Variants in TNFAIP2 observed in about 807,000 individuals in gnomAD.
TNFAIP2 encodes tumor necrosis factor alpha-induced protein 2.
Under a neutral mutation model 63.5 loss-of-function variants are expected in TNFAIP2, and 47 were observed. The ratio of observed to expected loss-of-function variants is 0.74; its 90% CI spans 0.59 to 0.94. The LOEUF is 0.94. Among genes scored for constraint, TNFAIP2 ranks in the 40% least tolerant of loss-of-function variants. The pLI is 0.00. For synonymous variants in TNFAIP2, 405 were observed against 390.2 expected, an observed-to-expected ratio of 1.04 and a Z score of -0.45; for missense variants, 787 against 850.2, an observed-to-expected ratio of 0.93 and a Z score of 0.92.
In TNFAIP2 at chr14:103,131,326, C is replaced by T. The variant is rs945540554; in HGVS notation, c.1298+176C>T. 6.6e-6 allele frequency among the ~76,000 whole-genome samples: 1 copy of T among 152,206 alleles called. No homozygotes were observed. ...GCAGCAAACATTTCCCAAGTGCTGG[C>T]TGGGGCAAGCACACAGGCAGATGTT... On this transcript the variant is annotated intron_variant, in intron 7 of 11. Coordinates refer to ENST00000560869, the MANE Select transcript of TNFAIP2 (RefSeq NM_006291.4). The surrounding 1 kb of genome is among the most constrained non-coding windows in gnomAD (Gnocchi z 4.0).
intron 5 of TNFAIP2, 48 bp from the exon 6 acceptor site, chr14:103,130,267 C>G: frequency 1.3e-6 from 2 of 1,536,568 alleles, no homozygotes; most frequent in Non-Finnish European, 1.8e-6. Context: ...TCCCCTGCCC[C>G]CTTGTCCAGG....
At chr14:103,121,656 A>G (rs950811138), upstream of TNFAIP2, among the ~76,000 whole-genome samples, 12 of 152,190 alleles carry the variant, frequency 7.9e-5, no homozygotes, top group African/African-American at 2.7e-4. Context: ...ACTGGTGCAG[A>G]CACAAGTCCA....
Position 103,126,986 on chromosome 14 carries a change from C to T in TNFAIP2, c.236-19C>T. 5.7e-6 allele frequency: 7 copies of T among 1,227,786 alleles called. No homozygotes were observed. Among genetic ancestry groups the T allele is most frequent in the Non-Finnish European group, 6.1e-6 (6 of 982,640 alleles). 76.1% of individuals were successfully genotyped at this position (1,227,786 alleles called of 1,614,324 possible). ...GGCGGTGGGCTGGGGCCGGGGCTGA[C>T]GCGGCTTTCCCGGCGCAGTGGAGGA... is the stretch of plus-strand genomic sequence containing the variant. On this transcript the variant is annotated intron_variant, in intron 2 of 11. Transcript: ENST00000560869.
intron 9 of TNFAIP2, 151 bp downstream of exon 9, chr14:103,133,023 T>C (rs2234141): frequency 3.0e-6 from 4 of 1,324,914 alleles, no homozygotes; most frequent in South Asian, 2.8e-5. Flanking sequence ...CACGTGCACA[T>C]GTGAACACAC....
At position 103,127,275 on chromosome 14, in the gene TNFAIP2, C is replaced by A; in HGVS notation, c.506C>A (p.Ala169Glu). ...AEQEREDRQAAAAGPGTSGLA... is the reference protein window; with the variant it reads ...AEQEREDRQAEAAGPGTSGLA... ...CAGGAGCGCGAGGACCGCCAGGCGG[C>A]GGCGGCGGGGCCGGGGACCTCGGGG... Residue 169 changes from alanine to glutamate, a missense_variant, in exon 3 of 12, where the codon GCG becomes GAG. Around this residue, in one of 3 missense-constraint regions of TNFAIP2, gnomAD observed 258 missense variants for 228.9 expected, o/e 1.13. Coordinates refer to ENST00000560869, the MANE Select transcript of TNFAIP2 (RefSeq NM_006291.4). This position sits in a 1 kb window ranked among gnomAD's most constrained non-coding sequence, Gnocchi z 5.1. The A allele has an allele frequency of 1.0e-6, 1 of 994,508 alleles. No homozygotes were observed. Among genetic ancestry groups the A allele is most frequent in the Non-Finnish European group, 1.2e-6 (1 of 837,620 alleles). The allele number at this position is 994,508 out of a possible 1,614,324, so 61.6% of individuals were successfully genotyped here.
rs778102704 is a variant in TNFAIP2 at position 103,132,842 on chromosome 14, G to C, written c.1515G>C (p.Glu505Asp). 1.9e-5 allele frequency: 31 copies of C among 1,614,040 alleles called. No homozygotes were observed. The highest frequency in any genetic ancestry group is 2.6e-5 in the Non-Finnish European group (31 of 1,179,964). The change falls in exon 9 of 12, where the codon GAG (glutamate) becomes GAC (aspartate). Residue 505 changes from glutamate to aspartate, a missense_variant. Glu to Asp is a conservative substitution (Grantham distance 45). Around this residue, in one of 3 missense-constraint regions of TNFAIP2, gnomAD observed 523 missense variants for 604.1 expected, o/e 0.87. Transcript: ENST00000560869. ...IIATVDTRLPEFSELQGCFRE... is the reference protein window; with the variant it reads ...IIATVDTRLPDFSELQGCFRE... ...CCACTGTAGACACGAGGCTGCCTGA[G>C]TTCTCAGAGCTGCAGGGCTGTTTCC...
rs754403750 is a variant in TNFAIP2 at position 103,132,673 on chromosome 14, C to T, written c.1423-77C>T. The T allele has an allele frequency of 2.3e-4, 257 of 1,132,534 alleles. 1 individual carries two copies. In the Middle Eastern group the frequency reaches 3.2e-3, roughly 14 times the overall value. 70.2% of individuals were successfully genotyped at this position (1,132,534 alleles called of 1,614,324 possible). Reference sequence around the variant, plus strand: ...CACATGTGTCGGTGTGTGTCTGTGTCTGCGTGTCTGCGTGTCTGCGGCTGG... The same window carrying T: ...CACATGTGTCGGTGTGTGTCTGTGTTTGCGTGTCTGCGTGTCTGCGGCTGG... On this transcript the variant is annotated intron_variant, in intron 8 of 11. Transcript: ENST00000560869.
Position 103,127,284 on chromosome 14 carries a change from G to A in TNFAIP2, c.515G>A (p.Gly172Glu). The A allele has an allele frequency of 2.0e-6, 2 of 990,406 alleles. No homozygotes were observed. The highest frequency in any genetic ancestry group is 2.4e-6 in the Non-Finnish European group (2 of 834,880). The allele number at this position is 990,406 out of a possible 1,614,324, so 61.4% of individuals were successfully genotyped here. A position where few individuals can be genotyped will look rare whatever the true frequency, so the allele number is the denominator to read the frequency against. ...EREDRQAAAA[G>E]PGTSGLAATR... ...GAGGACCGCCAGGCGGCGGCGGCGG[G>A]GCCGGGGACCTCGGGGCTGGCGGCC... Residue 172 changes from glycine (G) to glutamate (E), a missense_variant, in exon 3 of 12, where the codon GGG becomes GAG. This residue lies in a region of TNFAIP2 where 258 missense variants were observed against 228.9 expected (regional missense o/e 1.13). Transcript: ENST00000560869. The surrounding 1 kb of genome is among the most constrained non-coding windows in gnomAD (Gnocchi z 5.1).
rs966045604 is a variant in TNFAIP2 at position 103,131,949 on chromosome 14, G to A, written c.1422+187G>A. ...CCGGTTGGGGACCCTAGCAGGCTCTGAACTCCGCCGATCATGTCCTGGGGT... is the reference window on the plus strand; with the variant it reads ...CCGGTTGGGGACCCTAGCAGGCTCTAAACTCCGCCGATCATGTCCTGGGGT... On this transcript the variant is annotated intron_variant, in intron 8 of 11. Transcript: ENST00000560869. This position sits in a 1 kb window ranked among gnomAD's most constrained non-coding sequence, Gnocchi z 4.0. Among the ~76,000 whole-genome samples, 2 of 151,952 alleles carry A rather than the reference G, an allele frequency of 1.3e-5. No homozygotes were observed. The highest frequency in any genetic ancestry group is 4.8e-5 in the African/African-American group (2 of 41,344).
At chr14:103,133,099 A>G (rs866085739) in intron 9 of TNFAIP2, among the ~76,000 whole-genome samples, 1 of 152,094 alleles carries the variant, frequency 6.6e-6, no homozygotes, top group South Asian at 2.1e-4. Flanking sequence ...CGAGCATGTG[A>G]ACACATGCAC....
At chr14:103,129,659 A>G in intron 3 of TNFAIP2, 81 bp from the exon 4 acceptor site, 1 of 1,351,228 alleles carries the variant, frequency 7.4e-7, no homozygotes, top group Non-Finnish European at 1.1e-6. Flanking sequence ...CCAGAGACCA[A>G]GGCTGAGGGC....
intron 10 of TNFAIP2, 61 bp from the exon 11 acceptor site, chr14:103,133,618 CCAA>C (rs1365760601): frequency 8.4e-6 from 13 of 1,556,360 alleles, no homozygotes; most frequent in Non-Finnish European, 1.0e-5. Context: ...CTCTCTAAGC[CCAA>C]CGAGTCGCTG....
chr14:103,133,446 GAGC>G lies in TNFAIP2; in HGVS notation c.1643_1645del (p.Gln548del), dbSNP rs756667301. 9 of 1,613,824 alleles carry G rather than the reference GAGC, an allele frequency of 5.6e-6. No homozygotes were observed. Among genetic ancestry groups the G allele is most frequent in the Admixed American group, 1.7e-5 (1 of 60,002 alleles). Reference sequence around the variant, plus strand: ...GGGGCGCCTGGTCCTCAAGACGGCCGAGCAGCAGCAGCAGCTGGCTGGGTACAT... The same window carrying G: ...GGGGCGCCTGGTCCTCAAGACGGCCGAGCAGCAGCAGCTGGCTGGGTACAT... On this transcript the variant is annotated inframe_deletion, in exon 10 of 12. Coordinates refer to ENST00000560869, the MANE Select transcript of TNFAIP2 (RefSeq NM_006291.4).
rs2088093570 is a variant in TNFAIP2, at chr14:103,136,274, T to A, written c.*914T>A. 4.7e-6 allele frequency: 1 copy of A among 211,518 alleles called. No homozygotes were observed. The highest frequency in any genetic ancestry group is 2.3e-5 in the African/African-American group (1 of 42,888). 13.1% of individuals were successfully genotyped at this position (211,518 alleles called of 1,614,324 possible). A position where few individuals can be genotyped will look rare whatever the true frequency, so the allele number is the denominator to read the frequency against. On this transcript the variant is annotated 3_prime_UTR_variant, in exon 12 of 12. Transcript: ENST00000560869. Reference sequence around the variant, plus strand: ...CCGTGACAGGTTTCCACAAACTTCGTGGATCAAAACGAGGTCTTCCAGTTC... The same window carrying A: ...CCGTGACAGGTTTCCACAAACTTCGAGGATCAAAACGAGGTCTTCCAGTTC...
chr14:103,124,597 A>C (rs2087815108), intron 1 of TNFAIP2: 1 of 152,410 alleles, frequency 6.6e-6, no homozygotes, highest in African/African-American at 2.4e-5. Flanking sequence ...ACCCTCCCCC[A>C]CCCCAGGAGA....
upstream of TNFAIP2, chr14:103,123,005 T>G (rs1216914329): frequency 2.9e-6 from 1 of 345,484 alleles, no homozygotes; most frequent in African/African-American, 2.2e-5. Context: ...GTCCCCTGCC[T>G]CCTTGTGGCC....
In TNFAIP2 at chr14:103,135,974, C is replaced by T. The variant is rs1278367626; in HGVS notation, c.*614C>T. 1 of 1,289,434 alleles carries T rather than the reference C, an allele frequency of 7.8e-7. No individual in the cohort carries two copies. The highest frequency in any genetic ancestry group is 1.0e-6 in the Non-Finnish European group (1 of 988,906). 79.9% of individuals were successfully genotyped at this position (1,289,434 alleles called of 1,614,324 possible). A position where few individuals can be genotyped will look rare whatever the true frequency, so the allele number is the denominator to read the frequency against. On this transcript the variant is annotated 3_prime_UTR_variant, in exon 12 of 12. Coordinates refer to ENST00000560869, the MANE Select transcript of TNFAIP2 (RefSeq NM_006291.4). The surrounding 1 kb of genome is among the most constrained non-coding windows in gnomAD (Gnocchi z 7.6). ...TCACATCCAGGTGGCCCCACGGCCC[C>T]TACAGGCTGGCCCTGCAATGGGGCC...
Position 103,126,394 on chromosome 14 carries a change from C to T in TNFAIP2, c.-64C>T, listed in dbSNP as rs2087851928. The T allele has an allele frequency of 1.6e-6, 2 of 1,244,080 alleles. No individual in the cohort carries two copies. The highest frequency in any genetic ancestry group is 5.3e-5 in the Admixed American group (2 of 37,656). The allele number at this position is 1,244,080 out of a possible 1,614,324, so 77.1% of individuals were successfully genotyped here. A position where few individuals can be genotyped will look rare whatever the true frequency, so the allele number is the denominator to read the frequency against. ...AGAGCCATCAGCCTGTGCCAGGCACCCTCGACTTGCCTAGAGGCCCCCAAA... is the reference window on the plus strand; with the variant it reads ...AGAGCCATCAGCCTGTGCCAGGCACTCTCGACTTGCCTAGAGGCCCCCAAA... On this transcript the variant is annotated 5_prime_UTR_variant, in exon 2 of 12. Transcript: ENST00000560869.
upstream of TNFAIP2, chr14:103,122,509 G>C (rs983258476): frequency 1.1e-5 from 4 of 375,840 alleles, no homozygotes; most frequent in Admixed American, 3.0e-5. Flanking sequence ...TCCTAGCCTA[G>C]AGTGTGAAAT....
Sources: allele counts gnomAD v4.1 joint callset (sites outside exome capture counted in the v4.1 genomes callset), GRCh38; gene constraint gnomAD v4.1.1; regional missense constraint gnomAD v4.1.1; non-coding constraint Gnocchi (gnomAD v3.1); transcripts MANE v1.5; gene names NCBI Gene and HGNC (gene_info 2026-07-23, HGNC 2026-07-21).